The following MARCHF3 variants were observed in gnomAD, a reference collection of about 807,000 sequenced individuals.
The protein encoded by MARCHF3 is E3 ubiquitin-protein ligase MARCHF3.
Under a neutral mutation model 24.2 loss-of-function variants are expected in MARCHF3, and 13 were observed. The observed-to-expected ratio is 0.54, with a 90% CI of 0.35 to 0.85. The LOEUF is 0.85. Ranked by LOEUF, MARCHF3 falls within the 40% of genes least tolerant of loss-of-function variation. The probability of loss-of-function intolerance (pLI) is 0.01; values close to 1 mark genes in which losing one functional copy is unlikely to be tolerated. For missense variants in MARCHF3, 276 were observed against 325.0 expected (o/e 0.85, Z 1.16); for synonymous variants, 144 against 137.3 (o/e 1.05, Z -0.34).
intron 4 of MARCHF3, among the ~76,000 whole-genome samples, chr5:126,873,407 AAG>A: frequency 6.6e-6 from 1 of 152,202 alleles, no homozygotes; most frequent in East Asian, 1.9e-4. Flanking sequence ...GTAACAGAAA[AAG>A]AAAAAAAAAA....
chr5:127,012,678 A>G (rs1752508828), intron 1 of MARCHF3, among the ~76,000 whole-genome samples: 1 of 152,230 alleles, frequency 6.6e-6, no homozygotes, highest in East Asian at 1.9e-4. Context: ...ACAGTACACA[A>G]TAAGATTGCA....
rs76185080 is a variant in MARCHF3 at position 126,927,161 on chromosome 5, T to C, written c.-56-8934A>G. On this transcript the variant is annotated intron_variant, in intron 1 of 4. Coordinates refer to ENST00000308660, the MANE Select transcript of MARCHF3 (RefSeq NM_178450.5). Reference sequence around the variant, plus strand: ...TATACACACAAAAAATACAGATTCTTTTTGATTGGCTCCCTAAAATGGGTC... The same window carrying C: ...TATACACACAAAAAATACAGATTCTCTTTGATTGGCTCCCTAAAATGGGTC... 3.8e-4 allele frequency among the ~76,000 whole-genome samples: 58 copies of C among 152,230 alleles called. 1 individual carries two copies. The East Asian group carries it at 0.011, about 29-fold the overall frequency.
chr5:126,919,877 G>A (rs573995324), intron 1 of MARCHF3, among the ~76,000 whole-genome samples: 1 of 152,320 alleles, frequency 6.6e-6, no homozygotes, highest in African/African-American at 2.4e-5. Flanking sequence ...ACAGTGGGGA[G>A]ACGGCTGTGG....
chr5:126,988,258 AAG>A (rs1397892909), intron 1 of MARCHF3, among the ~76,000 whole-genome samples: 1 of 152,108 alleles, frequency 6.6e-6, no homozygotes, highest in Non-Finnish European at 1.5e-5. Context: ...ACCCAACATC[AAG>A]GTTCCATGCA....
intron 1 of MARCHF3, among the ~76,000 whole-genome samples, chr5:126,964,656 T>G (rs1354002426): frequency 1.3e-5 from 2 of 152,230 alleles, no homozygotes; most frequent in African/African-American, 4.8e-5. Context: ...TCAGGGAAAT[T>G]TCACAGCCTA....
intron 1 of MARCHF3, among the ~76,000 whole-genome samples, chr5:127,019,271 T>C (rs1473981213): frequency 2.0e-5 from 3 of 152,206 alleles, no homozygotes; most frequent in Non-Finnish European, 4.4e-5. Context: ...GAGAATTTCA[T>C]AGTTATTTTC....
chr5:126,955,202 G>C (rs1750399965), intron 1 of MARCHF3, among the ~76,000 whole-genome samples: 1 of 152,106 alleles, frequency 6.6e-6, no homozygotes, highest in Non-Finnish European at 1.5e-5. Flanking sequence ...CGGTGGCTGG[G>C]AGCACAGCAA....
At chr5:126,918,737 T>G (rs948156149) in intron 1 of MARCHF3, among the ~76,000 whole-genome samples, 1 of 152,254 alleles carries the variant, frequency 6.6e-6, no homozygotes, top group African/African-American at 2.4e-5. Flanking sequence ...CAAGTATTAA[T>G]AGTATGTTCT....
intron 1 of MARCHF3, among the ~76,000 whole-genome samples, chr5:126,937,010 G>C (rs1749668701): frequency 6.6e-6 from 1 of 152,224 alleles, no homozygotes; most frequent in African/African-American, 2.4e-5. Context: ...CCACTAGTGT[G>C]TCATTTGCTT....
chr5:126,923,044 T>C (rs1168705259), intron 1 of MARCHF3, among the ~76,000 whole-genome samples: 4 of 152,172 alleles, frequency 2.6e-5, no homozygotes, highest in African/African-American at 9.7e-5. Context: ...ATAGGTGTCA[T>C]TCTTCCATGA....
At chr5:126,949,224 T>G (rs917331302) in intron 1 of MARCHF3, among the ~76,000 whole-genome samples, 1 of 152,176 alleles carries the variant, frequency 6.6e-6, no homozygotes, top group Admixed American at 6.5e-5. Context: ...ATAAATGATA[T>G]GAAATCTCAA....
intron 1 of MARCHF3, among the ~76,000 whole-genome samples, chr5:126,939,156 G>A (rs908490503): frequency 2.6e-5 from 4 of 152,102 alleles, no homozygotes; most frequent in Non-Finnish European, 5.9e-5. Context: ...TTATGCTAGG[G>A]TTGATTATAA....
intron 3 of MARCHF3, among the ~76,000 whole-genome samples, chr5:126,910,635 A>T (rs571227063): frequency 1.3e-5 from 2 of 152,204 alleles, no homozygotes; most frequent in Non-Finnish European, 2.9e-5. Flanking sequence ...TCTTTACTTT[A>T]ATCTCTTAAT....
At chr5:126,921,771 T>G (rs955890068) in intron 1 of MARCHF3, among the ~76,000 whole-genome samples, 1 of 152,214 alleles carries the variant, frequency 6.6e-6, no homozygotes, top group Non-Finnish European at 1.5e-5. Context: ...GGTCCTTTGC[T>G]GGCCAGGCTT....
chr5:126,996,237 G>C (rs1423179998), intron 1 of MARCHF3, among the ~76,000 whole-genome samples: 1 of 152,200 alleles, frequency 6.6e-6, no homozygotes, highest in African/African-American at 2.4e-5. Flanking sequence ...ATAGAGGAAA[G>C]AGCAGGAGAG....
chr5:126,954,166 G>A (rs1750351589), intron 1 of MARCHF3, among the ~76,000 whole-genome samples: 2 of 150,722 alleles, frequency 1.3e-5, no homozygotes, highest in South Asian at 4.2e-4. Context: ...CCGAGTAGCT[G>A]GGACTACAGG....
intron 1 of MARCHF3, among the ~76,000 whole-genome samples, chr5:127,017,088 G>A (rs1752659077): frequency 6.6e-6 from 1 of 152,128 alleles, no homozygotes; most frequent in Non-Finnish European, 1.5e-5. Flanking sequence ...CGCAGGGAGG[G>A]GAACATCACG....
intron 1 of MARCHF3, among the ~76,000 whole-genome samples, chr5:127,026,395 C>T (rs1752999581): frequency 1.3e-5 from 2 of 152,198 alleles, no homozygotes; most frequent in Non-Finnish European, 2.9e-5. Context: ...CTAAAGGATT[C>T]TATACGTAGG....
intron 1 of MARCHF3, among the ~76,000 whole-genome samples, chr5:127,000,548 CCA>C: frequency 6.6e-6 from 1 of 152,228 alleles, no homozygotes; most frequent in East Asian, 1.9e-4. Context: ...AATCTTCACT[CCA>C]CAGACTCACT....
Sources: allele counts gnomAD v4.1 joint callset (sites outside exome capture counted in the v4.1 genomes callset), GRCh38; gene constraint gnomAD v4.1.1; transcripts MANE v1.5; gene names NCBI Gene and HGNC (gene_info 2026-07-23, HGNC 2026-07-21).